Variants in TENM3 observed in about 807,000 individuals in gnomAD.
TENM3 encodes the protein teneurin transmembrane protein 3, also known as teneurin-3.
TENM3 carries 63 observed loss-of-function variants against 255.1 expected under a neutral mutation model. That is an observed-to-expected ratio of 0.25 (90% CI 0.20 to 0.30). The LOEUF (loss-of-function observed/expected upper bound fraction) is 0.30. TENM3 is among the 10% of genes least tolerant of loss of function. The pLI is 1.00. For missense variants in TENM3, 2,929 were observed against 3,461.1 expected (o/e 0.85, Z 3.86); for synonymous variants, 1,306 against 1,322.3 (o/e 0.99, Z 0.27).
chr4:181,479,505 A>T, the TENM3 span, among the ~76,000 whole-genome samples: 2 of 152,172 alleles, frequency 1.3e-5, no homozygotes, highest in Non-Finnish European at 2.9e-5. Context: ...GTCATACTGG[A>T]CCTATCTGTC....
chr4:181,917,809 C>A, the TENM3 span, among the ~76,000 whole-genome samples: 1 of 151,676 alleles, frequency 6.6e-6, no homozygotes, highest in Non-Finnish European at 1.5e-5. Context: ...CTGCAGGTGC[C>A]CACCATGACA....
At chr4:182,048,197 C>T in the TENM3 span, among the ~76,000 whole-genome samples, 1 of 152,104 alleles carries the variant, frequency 6.6e-6, no homozygotes, top group Non-Finnish European at 1.5e-5. Context: ...CCAGAGTTCA[C>T]ATGATGATGG....
At chr4:182,474,729 A>C (rs1173162155) in intron 3 of TENM3, among the ~76,000 whole-genome samples, 1 of 152,158 alleles carries the variant, frequency 6.6e-6, no homozygotes, top group Non-Finnish European at 1.5e-5. Context: ...TTATATTTTC[A>C]TTGTAGGCTG....
intron 3 of TENM3, among the ~76,000 whole-genome samples, chr4:182,416,984 T>C (rs1451345718): frequency 6.6e-6 from 1 of 152,108 alleles, no homozygotes; most frequent in Non-Finnish European, 1.5e-5. Context: ...TTGTTGTTGT[T>C]TTTTTCTGAG....
At chr4:182,138,692 TGA>T in the TENM3 span, among the ~76,000 whole-genome samples, 1 of 152,234 alleles carries the variant, frequency 6.6e-6, no homozygotes, top group African/African-American at 2.4e-5. Context: ...TATAAAAACA[TGA>T]GTATCTACAT....
the TENM3 span, among the ~76,000 whole-genome samples, chr4:181,848,097 A>G: frequency 6.6e-6 from 1 of 152,332 alleles, no homozygotes; most frequent in African/African-American, 2.4e-5. Flanking sequence ...TATCTATTCT[A>G]GTGCCAACAG....
chr4:181,627,492 C>T, the TENM3 span, among the ~76,000 whole-genome samples: 4 of 152,136 alleles, frequency 2.6e-5, no homozygotes, highest in African/African-American at 7.2e-5. Context: ...CCCCTACCCC[C>T]ACCCCATGAC....
chr4:181,789,226 T>A, the TENM3 span, among the ~76,000 whole-genome samples: 301 of 146,586 alleles, frequency 2.1e-3, 2 homozygotes, highest in African/African-American at 7.4e-3. Flanking sequence ...TTATTTATTT[T>A]ATTTTATTTT....
At chr4:182,695,502 T>C (rs1024751071) in intron 12 of TENM3, among the ~76,000 whole-genome samples, 1 of 152,104 alleles carries the variant, frequency 6.6e-6, no homozygotes, top group Admixed American at 6.6e-5. Flanking sequence ...GATCTGGGGG[T>C]ACATTTAGTT....
At chr4:182,631,316 T>A (rs1751346499) in intron 5 of TENM3, 1 of 152,194 alleles carries the variant, frequency 6.6e-6, no homozygotes, top group Non-Finnish European at 1.5e-5. Flanking sequence ...AGCAAAAAAA[T>A]TACTTTTATC....
chr4:181,522,344 C>A, the TENM3 span, among the ~76,000 whole-genome samples: 1 of 152,046 alleles, frequency 6.6e-6, no homozygotes, highest in African/African-American at 2.4e-5. Flanking sequence ...ATTATCTGTT[C>A]TCAAGCTTCT....
rs749881208 is a variant in TENM3 at position 182,346,849 on chromosome 4, G to A, written c.431G>A (p.Ser144Asn). Reference sequence around the variant, plus strand: ...GGCAGGGGGGTCAAATCAGGCCGCAGCTCCTGCCTGTCAAGTCGGTCCAAC... The same window carrying A: ...GGCAGGGGGGTCAAATCAGGCCGCAACTCCTGCCTGTCAAGTCGGTCCAAC... ...LWGRGVKSGR[S>N]SCLSSRSNSA... The change falls in exon 3 of 28, where the codon AGC becomes AAC. Residue 144 changes from serine to asparagine, a missense_variant. Ser to Asn is a conservative substitution (Grantham distance 46, BLOSUM62 1). This residue lies in a region of TENM3 where 283 missense variants were observed against 256.9 expected (regional missense o/e 1.10). Transcript: ENST00000511685. 6.2e-7 allele frequency: 1 copy of A among 1,613,246 alleles called. No homozygotes were observed. Among genetic ancestry groups the A allele is most frequent in the Non-Finnish European group, 8.5e-7 (1 of 1,179,598 alleles).
intron 1 of TENM3, among the ~76,000 whole-genome samples, chr4:182,163,893 C>G (rs1378797423): frequency 6.6e-6 from 1 of 152,184 alleles, no homozygotes; most frequent in Non-Finnish European, 1.5e-5. Flanking sequence ...CCCTTAGACC[C>G]TCTGCCTTCA....
chr4:181,594,058 C>A, the TENM3 span, among the ~76,000 whole-genome samples: 1 of 148,530 alleles, frequency 6.7e-6, no homozygotes, highest in Non-Finnish European at 1.5e-5. Flanking sequence ...TCAGTGAATA[C>A]AGAAGTGATA....
At chr4:181,465,323 T>A in the TENM3 span, among the ~76,000 whole-genome samples, 1 of 144,494 alleles carries the variant, frequency 6.9e-6, no homozygotes. Flanking sequence ...TATTTTTTCA[T>A]TAAGATATAT....
rs1233597472 is a variant in TENM3, at chr4:182,799,739, C to A, written c.7488C>A (p.Ile2496=). The change falls in exon 28 of 28, where the codon ATC becomes ATA. Residue 2496 remains isoleucine (I), a synonymous_variant. Coordinates refer to ENST00000511685, the MANE Select transcript of TENM3 (RefSeq NM_001080477.4). This position sits in a 1 kb window ranked among gnomAD's most constrained non-coding sequence, Gnocchi z 4.2. ...GGTTCGCCACGGTCAAGTCGCTGATCGGCAAGGGCGTCATGCTGGCCGTCA... is the reference window on the plus strand; with the variant it reads ...GGTTCGCCACGGTCAAGTCGCTGATAGGCAAGGGCGTCATGCTGGCCGTCA... ...WLWFATVKSL[I]GKGVMLAVSQ... is the part of the protein sequence containing the mutation. The A allele has an allele frequency of 2.4e-5, 38 of 1,560,028 alleles. No individual in the cohort carries two copies. Among genetic ancestry groups the A allele is most frequent in the Non-Finnish European group, 3.0e-5 (35 of 1,153,266 alleles).
At chr4:182,654,703 TTGG>T (rs1753609911) in intron 6 of TENM3, among the ~76,000 whole-genome samples, 1 of 152,186 alleles carries the variant, frequency 6.6e-6, no homozygotes, top group Non-Finnish European at 1.5e-5. Context: ...GTCTAGTATA[TTGG>T]TGTTCAGCTT....
At chr4:182,033,984 C>A in the TENM3 span, among the ~76,000 whole-genome samples, 2 of 152,196 alleles carry the variant, frequency 1.3e-5, no homozygotes, top group Admixed American at 6.5e-5. Flanking sequence ...TAAAGACACA[C>A]CCCAGACTGG....
At chr4:182,088,489 G>A in the TENM3 span, among the ~76,000 whole-genome samples, 1 of 152,142 alleles carries the variant, frequency 6.6e-6, no homozygotes, top group Non-Finnish European at 1.5e-5. Flanking sequence ...CAGAATATGT[G>A]GGGCTTCTCT....
Sources: gnomAD v4.1 joint callset for allele counts (sites outside exome capture counted in the v4.1 genomes callset) on GRCh38, gnomAD v4.1.1 for gene constraint, gnomAD v4.1.1 regional missense constraint, Gnocchi (gnomAD v3.1) non-coding constraint, MANE v1.5 for transcripts, NCBI Gene and HGNC (gene_info 2026-07-23, HGNC 2026-07-21) for gene names.